Variants in NFATC2 observed in about 807,000 individuals in gnomAD.
NFATC2 encodes nuclear factor of activated T cells 2.
NFATC2 carries 22 observed loss-of-function variants against 87.3 expected under a neutral mutation model. The ratio of observed to expected loss-of-function variants is 0.25; its 90% CI spans 0.18 to 0.36. NFATC2 has a LOEUF of 0.36. NFATC2 is among the 10% of genes least tolerant of loss of function. The probability of loss-of-function intolerance (pLI) is 1.00; values close to 1 mark genes in which losing one functional copy is unlikely to be tolerated. For synonymous variants in NFATC2, 565 were observed against 542.2 expected, an observed-to-expected ratio of 1.04 and a Z score of -0.58; for missense variants, 1,149 against 1,259.1, an observed-to-expected ratio of 0.91 and a Z score of 1.32.
At chr20:51,485,366 T>TCAGCTTC (rs554896027) in intron 3 of NFATC2, among the ~76,000 whole-genome samples, 56 of 152,346 alleles carry the variant, frequency 3.7e-4, no homozygotes, top group African/African-American at 1.3e-3. Flanking sequence ...CTCTCCACTC[T>TCAGCTTC]CAGCTTCCAG....
intron 3 of NFATC2, among the ~76,000 whole-genome samples, chr20:51,479,691 C>G (rs1433137226): frequency 6.6e-6 from 1 of 152,214 alleles, no homozygotes; most frequent in African/African-American, 2.4e-5. Flanking sequence ...ACACACCACA[C>G]TTGATGTTTT....
intron 9 of NFATC2, among the ~76,000 whole-genome samples, chr20:51,422,133 T>C (rs545833440): frequency 6.6e-6 from 1 of 152,280 alleles, no homozygotes; most frequent in East Asian, 1.9e-4. Context: ...ATGAAACCTA[T>C]TTGTTGGTTT....
chr20:51,514,903 A>G (rs1401934762), intron 3 of NFATC2, among the ~76,000 whole-genome samples: 2 of 152,088 alleles, frequency 1.3e-5, no homozygotes, highest in African/African-American at 2.4e-5. Flanking sequence ...ACATAAGGCA[A>G]TTGCTCTCAG....
At position 51,551,045 on chromosome 20, in the gene NFATC2, A is replaced by G. The variant is rs908033283; in HGVS notation, c.70+11515T>C. 1.1e-4 allele frequency among the ~76,000 whole-genome samples: 17 copies of G among 152,368 alleles called. No individual in the cohort carries two copies. In the East Asian group the frequency reaches 1.3e-3, roughly 12 times the overall value. ...TAAGTTGGATTCAAAAAGTGGGAAC[A>G]TTCTTTACCAGACTCCAAAAACCAT... On this transcript the variant is annotated intron_variant, in intron 1 of 10. Transcript: ENST00000414705.
intron 1 of NFATC2, among the ~76,000 whole-genome samples, chr20:51,561,447 GAAAGA>G (rs1348406176): frequency 1.0e-5 from 1 of 98,752 alleles, no homozygotes; most frequent in Non-Finnish European, 2.1e-5. Flanking sequence ...AAGAAAGAAA[GAAAGA>G]AAGAAAGAAA....
chr20:51,466,094 C>T (rs1987657154), intron 5 of NFATC2, among the ~76,000 whole-genome samples: 1 of 152,106 alleles, frequency 6.6e-6, no homozygotes, highest in Non-Finnish European at 1.5e-5. Context: ...ACTCTGTCGC[C>T]CAGGCTGGAG....
intron 9 of NFATC2, among the ~76,000 whole-genome samples, chr20:51,399,679 TCATCTCTCCTCCTTTTCTGACCATG>T (rs1202205107): frequency 6.6e-6 from 1 of 152,108 alleles, no homozygotes; most frequent in Non-Finnish European, 1.5e-5. Flanking sequence ...AAGAAGCACT[TCATCTCTCCTCCTTTTCTGACCATG>T]CATCTCAGGC....
At chr20:51,424,904 C>T (rs968426508) in intron 9 of NFATC2, among the ~76,000 whole-genome samples, 12 of 150,374 alleles carry the variant, frequency 8.0e-5, no homozygotes, top group African/African-American at 2.7e-4. Context: ...GTTGCTTCCA[C>T]GGGGGTAAAA....
intron 1 of NFATC2, among the ~76,000 whole-genome samples, chr20:51,558,183 A>G (rs1219968981): frequency 6.6e-6 from 1 of 152,116 alleles, no homozygotes; most frequent in Middle Eastern, 3.2e-3. Context: ...TCTACAAACA[A>G]TTTAAAAAGT....
rs368726249 is a variant in NFATC2, at chr20:51,489,071, T to G, written c.1333-13411A>C. 3.9e-5 allele frequency among the ~76,000 whole-genome samples: 6 copies of G among 152,150 alleles called. No homozygotes were observed. The South Asian group carries it at 6.2e-4, about 16-fold the overall frequency. On this transcript the variant is annotated intron_variant, in intron 3 of 10. Transcript: ENST00000371564. ...CAGACAGGGTGGCGGGCGCCTGCAA[T>G]CCCAGCTACTCAGGAGGCTGAGGCA...
At chr20:51,496,586 T>G (rs2075992634) in intron 3 of NFATC2, among the ~76,000 whole-genome samples, 1 of 152,130 alleles carries the variant, frequency 6.6e-6, no homozygotes. Context: ...AAAGAATCAC[T>G]AACATTAATT....
At chr20:51,450,697 T>G (rs1479141795) in intron 6 of NFATC2, among the ~76,000 whole-genome samples, 2 of 152,178 alleles carry the variant, frequency 1.3e-5, no homozygotes, top group Non-Finnish European at 2.9e-5. Flanking sequence ...CAAGCTAAAC[T>G]GTCTGCCTCC....
At chr20:51,561,540 A>G (rs551455848) in intron 1 of NFATC2, among the ~76,000 whole-genome samples, 67 of 150,684 alleles carry the variant, frequency 4.4e-4, no homozygotes, top group African/African-American at 1.6e-3. Flanking sequence ...AAAGCCTCTC[A>G]GGTTTATTTA....
chr20:51,561,431 A>AAAAGAAAGAAAGAAAG (rs1184978605), intron 1 of NFATC2, among the ~76,000 whole-genome samples: 2 of 110,178 alleles, frequency 1.8e-5, no homozygotes, highest in Non-Finnish European at 3.8e-5. Context: ...AGAGAGAAAG[A>AAAAGAAAGAAAGAAAG]AAAGAAAGAA....
intron 1 of NFATC2, among the ~76,000 whole-genome samples, chr20:51,527,661 C>T (rs922693581): frequency 6.6e-6 from 1 of 152,224 alleles, no homozygotes; most frequent in African/African-American, 2.4e-5. Context: ...CTGGAATAAA[C>T]TATTACTCAA....
Position 51,431,517 on chromosome 20 carries a change from G to A in NFATC2, c.2722+550C>T, listed in dbSNP as rs145912316. ...CCCACTGCTTCCTTCCCATCAATGC[G>A]CATCTCTGTTCCACGAGCACAGGGT... is the stretch of plus-strand genomic sequence containing the variant. On this transcript the variant is annotated intron_variant, in intron 9 of 10. Coordinates refer to ENST00000371564, the MANE Select transcript of NFATC2 (RefSeq NM_012340.5). Among the ~76,000 whole-genome samples, 10 of 152,260 alleles carry A rather than the reference G, an allele frequency of 6.6e-5. No individual in the cohort carries two copies. The South Asian group carries it at 8.3e-4, about 13-fold the overall frequency.
chr20:51,406,210 G>A (rs1988547692), intron 9 of NFATC2, among the ~76,000 whole-genome samples: 1 of 152,236 alleles, frequency 6.6e-6, no homozygotes, highest in Admixed American at 6.5e-5. Context: ...TGGCAGAGCA[G>A]TGTGGCTCAG....
rs397864888 is a variant in NFATC2 at position 51,540,658 on chromosome 20, G to GT, written c.130+1711dup. ...TTCCAAAAACTGAAGTTTTTTTTTT[G>GT]TTTTTTTTTTTTTGAGAAAACAGAT... On this transcript the variant is annotated intron_variant, in intron 1 of 10. Coordinates refer to ENST00000371564, the MANE Select transcript of NFATC2 (RefSeq NM_012340.5). Among the ~76,000 whole-genome samples the GT allele has an allele frequency of 3.0e-3, 327 of 110,034 alleles. 5 individuals carry two copies. Among genetic ancestry groups the GT allele is most frequent in the South Asian group, 9.2e-3 (30 of 3,272 alleles). The allele number at this position is 110,034 out of a possible 152,430, so 72.2% of individuals were successfully genotyped here.
intron 2 of NFATC2, among the ~76,000 whole-genome samples, chr20:51,517,404 C>A (rs570098895): frequency 1.3e-5 from 2 of 152,048 alleles, no homozygotes; most frequent in Admixed American, 6.6e-5. Context: ...GCCTGGGCAA[C>A]ACGGAGAGAC....
Sources: allele counts gnomAD v4.1 joint callset (sites outside exome capture counted in the v4.1 genomes callset), GRCh38; gene constraint gnomAD v4.1.1; transcripts MANE v1.5; gene names NCBI Gene and HGNC (gene_info 2026-07-23, HGNC 2026-07-21).